CSMD3: variants seen among roughly 807,000 people sequenced by gnomAD.
CSMD3 encodes the protein CUB and sushi domain-containing protein 3.
CSMD3 carries 177 observed loss-of-function variants against 435.2 expected under a neutral mutation model. The ratio of observed to expected loss-of-function variants is 0.41; its 90% CI spans 0.36 to 0.46. The LOEUF (loss-of-function observed/expected upper bound fraction) is 0.46. Ranked by LOEUF, CSMD3 falls within the 20% of genes least tolerant of loss-of-function variation. The pLI is 0.34. For missense variants in CSMD3, 4,265 were observed against 4,504.6 expected (o/e 0.95, Z 1.52); for synonymous variants, 1,656 against 1,520.5 (o/e 1.09, Z -2.07).
intron 32 of CSMD3, among the ~76,000 whole-genome samples, chr8:112,454,401 T>C (rs1432863180): frequency 6.6e-6 from 1 of 152,026 alleles, no homozygotes; most frequent in Non-Finnish European, 1.5e-5. Flanking sequence ...TATAAGGAAA[T>C]TAAATAATGC....
intron 3 of CSMD3, among the ~76,000 whole-genome samples, chr8:113,215,102 T>C (rs2092887175): frequency 6.6e-6 from 1 of 151,870 alleles, no homozygotes; most frequent in Non-Finnish European, 1.5e-5. Flanking sequence ...TAAAATATCA[T>C]TTTTATGGCT....
At chr8:113,377,002 C>T in intron 1 of CSMD3, 1 of 993,966 alleles carries the variant, frequency 1.0e-6, no homozygotes, top group Non-Finnish European at 1.4e-6. Flanking sequence ...GGCCCGCAGC[C>T]ACATCTTCTA....
rs1349970265 is a variant in CSMD3, at chr8:112,311,003, C to A, written c.7860G>T (p.Trp2620Cys). 3 of 1,613,954 alleles carry A rather than the reference C, an allele frequency of 1.9e-6. No individual in the cohort carries two copies. The change falls in exon 50 of 71, where the codon TGG (tryptophan) becomes TGT (cysteine). Residue 2620 changes from tryptophan to cysteine, a missense_variant. Trp to Cys is a radical substitution (Grantham distance 215, BLOSUM62 -2). Coordinates refer to ENST00000297405, the MANE Select transcript of CSMD3 (RefSeq NM_198123.2). Reference sequence around the variant, plus strand: ...CTTGACAGGCAGGGACTGGCGCATCCCATGCATGATACCCATAGGAAGACT... The same window carrying A: ...CTTGACAGGCAGGGACTGGCGCATCACATGCATGATACCCATAGGAAGACT... Reference protein sequence around the residue: ...CRKSSYGYHAWDAPVPACQAI... With the variant: ...CRKSSYGYHACDAPVPACQAI...
chr8:112,297,262 A>C (rs897457429), intron 53 of CSMD3, among the ~76,000 whole-genome samples: 1 of 151,262 alleles, frequency 6.6e-6, no homozygotes, highest in African/African-American at 2.4e-5. Context: ...AAAAAAAAAA[A>C]AAAATTAAAA....
chr8:113,110,599 T>C, intron 4 of CSMD3, among the ~76,000 whole-genome samples: 1 of 152,302 alleles, frequency 6.6e-6, no homozygotes, highest in East Asian at 1.9e-4. Flanking sequence ...AGTTTTTACC[T>C]AAGAAGATTG....
At position 112,319,934 on chromosome 8, in the gene CSMD3, C is replaced by G. The variant is rs773768636; in HGVS notation, c.7213G>C (p.Glu2405Gln). ...CQPPPPVPNA[E>Q]ILTEDDEFEI... ...AATTCATCATCTTCCGTCAAAATTT[C>G]AGCATTGGGCACAGGTGGTGGAGGT... is the stretch of plus-strand genomic sequence containing the variant. The change falls in exon 46 of 71, where the codon GAA becomes CAA. Residue 2405 changes from glutamate to glutamine, a missense_variant. Glu to Gln is a conservative substitution (Grantham distance 29). This residue lies in a region of CSMD3 where 3,255 missense variants were observed against 3,380.2 expected (regional missense o/e 0.96). Transcript: ENST00000297405. The G allele has an allele frequency of 6.2e-7, 1 of 1,612,992 alleles. No homozygotes were observed. The highest frequency in any genetic ancestry group is 8.5e-7 in the Non-Finnish European group (1 of 1,179,224).
rs147751793 is a variant in CSMD3 at position 113,368,451 on chromosome 8, G to A, written c.179-53658C>T. ...AATATTACAATGTATATCTCTATGA[G>A]TGTGTACGTCTTCTATAAATGAGAA... On this transcript the variant is annotated intron_variant, in intron 1 of 70. Coordinates refer to ENST00000297405, the MANE Select transcript of CSMD3 (RefSeq NM_198123.2). Among the ~76,000 whole-genome samples, 5 of 152,242 alleles carry A rather than the reference G, an allele frequency of 3.3e-5. No homozygotes were observed. The South Asian group carries it at 8.3e-4, about 25-fold the overall frequency.
chr8:112,662,004 C>T (rs1205318104), intron 17 of CSMD3, among the ~76,000 whole-genome samples: 1 of 151,920 alleles, frequency 6.6e-6, no homozygotes, highest in Admixed American at 6.6e-5. Flanking sequence ...ATTCTAGATG[C>T]AGAAGAGATT....
chr8:112,493,837 TTAAGAAA>T (rs1377222557), intron 30 of CSMD3, among the ~76,000 whole-genome samples: 1 of 152,094 alleles, frequency 6.6e-6, no homozygotes, highest in Non-Finnish European at 1.5e-5. Flanking sequence ...TATTGATTAC[TTAAGAAA>T]TAATAAAGAA....
chr8:112,873,094 G>A (rs894048564), intron 10 of CSMD3, among the ~76,000 whole-genome samples: 5 of 152,022 alleles, frequency 3.3e-5, no homozygotes, highest in Non-Finnish European at 7.4e-5. Context: ...AACTGAGCCA[G>A]TTCTGATCTG....
At chr8:113,434,897 A>C (rs1417585515) in intron 1 of CSMD3, among the ~76,000 whole-genome samples, 1 of 152,066 alleles carries the variant, frequency 6.6e-6, no homozygotes, top group African/African-American at 2.4e-5. Flanking sequence ...CTGCCCCCGA[A>C]TGTGTTTTGG....
intron 23 of CSMD3, among the ~76,000 whole-genome samples, chr8:112,581,966 G>A (rs1204037141): frequency 6.6e-6 from 1 of 152,062 alleles, no homozygotes; most frequent in African/African-American, 2.4e-5. Context: ...GTAAGCAGAA[G>A]AAATAGCCTG....
intron 12 of CSMD3, among the ~76,000 whole-genome samples, chr8:112,802,666 C>T (rs576742456): frequency 6.6e-6 from 1 of 151,790 alleles, no homozygotes; most frequent in Admixed American, 6.6e-5. Flanking sequence ...CACATTTCCC[C>T]AACTACTTGG....
chr8:112,593,908 T>G (rs12542463), intron 22 of CSMD3, among the ~76,000 whole-genome samples: 25,391 of 152,068 alleles, frequency 0.17, 2,680 homozygotes, highest in South Asian at 0.29. Context: ...TCTTTTTGTT[T>G]TTTGATGTTT....
At chr8:112,902,738 C>T (rs756429707) in intron 10 of CSMD3, among the ~76,000 whole-genome samples, 27 of 151,222 alleles carry the variant, frequency 1.8e-4, no homozygotes, top group Middle Eastern at 3.2e-3. Context: ...TAGTCTGCCA[C>T]GTGAAAACTA....
chr8:112,304,678 C>A (rs1447435006), intron 52 of CSMD3, 43 bp downstream of exon 52: 3 of 1,457,324 alleles, frequency 2.1e-6, no homozygotes, highest in South Asian at 2.3e-5. Context: ...ATTCGATAAC[C>A]AAACATAGCT....
At chr8:112,268,847 C>T (rs980526018) in intron 59 of CSMD3, among the ~76,000 whole-genome samples, 4 of 152,196 alleles carry the variant, frequency 2.6e-5, no homozygotes, top group African/African-American at 9.6e-5. Context: ...TTTACACAAT[C>T]TCCACATTCA....
chr8:112,255,558 A>G (rs1815705414), intron 61 of CSMD3, 131 bp from the exon 62 acceptor site: 3 of 806,130 alleles, frequency 3.7e-6, no homozygotes, highest in East Asian at 5.3e-5. Flanking sequence ...AGCTATCCCA[A>G]TGAAAAAATT....
intron 4 of CSMD3, among the ~76,000 whole-genome samples, chr8:113,103,004 A>C (rs2090374188): frequency 6.6e-6 from 1 of 152,170 alleles, no homozygotes; most frequent in Admixed American, 6.6e-5. Flanking sequence ...AAATTCTTGC[A>C]TGCTTCATTG....
Sources: gnomAD v4.1 joint callset for allele counts (sites outside exome capture counted in the v4.1 genomes callset) on GRCh38, gnomAD v4.1.1 for gene constraint, gnomAD v4.1.1 regional missense constraint, MANE v1.5 for transcripts, NCBI Gene and HGNC (gene_info 2026-07-23, HGNC 2026-07-21) for gene names.